The following HMBOX1 variants were observed in gnomAD, a reference collection of about 807,000 sequenced individuals.
HMBOX1 encodes homeobox-containing protein 1.
In HMBOX1, 14 loss-of-function variants were observed where a neutral mutation model predicts 54.5. That is an observed-to-expected ratio of 0.26 (90% confidence interval 0.17 to 0.40). The LOEUF (loss-of-function observed/expected upper bound fraction) is 0.40. HMBOX1 is among the 10% of genes least tolerant of loss of function. HMBOX1 has a pLI of 1.00. For synonymous variants in HMBOX1, 160 were observed against 181.0 expected (o/e 0.88, Z 0.93); for missense variants, 332 against 514.4 (o/e 0.65, Z 3.43).
At chr8:28,950,331 C>G (rs1356319875) in intron 1 of HMBOX1, among the ~76,000 whole-genome samples, 1 of 152,150 alleles carries the variant, frequency 6.6e-6, no homozygotes, top group Non-Finnish European at 1.5e-5. Context: ...ACATGTGATT[C>G]TGATGTACAG....
At chr8:28,913,468 C>A (rs891652504) in intron 1 of HMBOX1, among the ~76,000 whole-genome samples, 1 of 152,288 alleles carries the variant, frequency 6.6e-6, no homozygotes, top group Non-Finnish European at 1.5e-5. Flanking sequence ...ACTTCTCAAC[C>A]CGGCAATGTC....
chr8:28,892,542 T>C (rs1448130136), intron 1 of HMBOX1, among the ~76,000 whole-genome samples: 1 of 152,206 alleles, frequency 6.6e-6, no homozygotes, highest in Non-Finnish European at 1.5e-5. Context: ...CCCAAACTTA[T>C]CAATTCTTGA....
intron 1 of HMBOX1, among the ~76,000 whole-genome samples, chr8:28,931,814 T>TA (rs1269286601): frequency 6.6e-6 from 1 of 152,240 alleles, no homozygotes; most frequent in African/African-American, 2.4e-5. Flanking sequence ...GTGCTGGGAT[T>TA]ACAGGCGTGA....
intron 6 of HMBOX1, among the ~76,000 whole-genome samples, chr8:29,044,939 A>G (rs901582694): frequency 6.6e-6 from 1 of 152,322 alleles, no homozygotes; most frequent in Non-Finnish European, 1.5e-5. Flanking sequence ...AAAAAGTCCT[A>G]TTGTTACCAG....
intron 1 of HMBOX1, among the ~76,000 whole-genome samples, chr8:28,901,038 A>G (rs1813150858): frequency 1.3e-5 from 2 of 152,148 alleles, no homozygotes; most frequent in South Asian, 2.1e-4. Context: ...TAAACTGGGC[A>G]TAGATAAATA....
At chr8:29,030,942 G>A (rs976509137) in intron 6 of HMBOX1, among the ~76,000 whole-genome samples, 2 of 152,118 alleles carry the variant, frequency 1.3e-5, no homozygotes, top group Non-Finnish European at 2.9e-5. Context: ...ATCTGAAAAT[G>A]GAAAGAAATT....
chr8:29,036,372 GA>G (rs1357628223), intron 6 of HMBOX1, among the ~76,000 whole-genome samples: 1 of 152,148 alleles, frequency 6.6e-6, no homozygotes, highest in East Asian at 1.9e-4. Context: ...GCTAGTGCCT[GA>G]AGAGGCACTA....
intron 1 of HMBOX1, among the ~76,000 whole-genome samples, chr8:28,956,769 C>G (rs1171143948): frequency 1.3e-5 from 2 of 152,090 alleles, no homozygotes. Flanking sequence ...TGGTTTTCTT[C>G]TTTTGCACAA....
intron 8 of HMBOX1, 140 bp from the exon 9 acceptor site, chr8:29,048,814 A>G (rs1805996845): frequency 3.0e-6 from 2 of 660,136 alleles, no homozygotes; most frequent in Non-Finnish European, 2.6e-6. Context: ...CTTACAGTCT[A>G]AAAGAAACAA....
intron 1 of HMBOX1, among the ~76,000 whole-genome samples, chr8:28,947,328 A>G (rs1822646728): frequency 6.6e-6 from 1 of 152,202 alleles, no homozygotes; most frequent in Non-Finnish European, 1.5e-5. Context: ...TTCAGCTTTT[A>G]GTTGTGAACC....
chr8:29,024,607 A>G (rs1801731866), intron 6 of HMBOX1, among the ~76,000 whole-genome samples: 1 of 152,238 alleles, frequency 6.6e-6, no homozygotes, highest in African/African-American at 2.4e-5. Context: ...CTGCCTTCAT[A>G]AATCTTAAGG....
intron 3 of HMBOX1, among the ~76,000 whole-genome samples, chr8:28,973,803 G>GTT (rs71222583): frequency 1.5e-4 from 11 of 72,658 alleles, no homozygotes; most frequent in Admixed American, 3.5e-4. Flanking sequence ...ACATAATGGA[G>GTT]TTTTTTTTTT....
At chr8:28,953,005 G>A (rs575777460) in intron 1 of HMBOX1, among the ~76,000 whole-genome samples, 2 of 152,302 alleles carry the variant, frequency 1.3e-5, no homozygotes, top group African/African-American at 2.4e-5. Flanking sequence ...AGGGAAGTCC[G>A]TTAGCTGATT....
intron 1 of HMBOX1, among the ~76,000 whole-genome samples, chr8:28,920,697 T>A (rs1345576515): frequency 6.6e-6 from 1 of 152,186 alleles, no homozygotes. Context: ...GTTGCCATAA[T>A]AGAAACATGC....
chr8:28,941,466 T>G (rs1585962744), intron 1 of HMBOX1, among the ~76,000 whole-genome samples: 1 of 152,236 alleles, frequency 6.6e-6, no homozygotes, highest in African/African-American at 2.4e-5. Context: ...TTTTTCTAAT[T>G]TTTCTTCTTT....
At chr8:29,048,210 G>GA (rs1276281182) in intron 8 of HMBOX1, among the ~76,000 whole-genome samples, 3 of 152,150 alleles carry the variant, frequency 2.0e-5, no homozygotes, top group African/African-American at 7.2e-5. Flanking sequence ...AAAAGGCAGA[G>GA]ATAAAGAGCA....
At chr8:29,033,396 A>G (rs1803327143) in intron 6 of HMBOX1, among the ~76,000 whole-genome samples, 1 of 152,208 alleles carries the variant, frequency 6.6e-6, no homozygotes, top group Non-Finnish European at 1.5e-5. Context: ...TTAAATAGAC[A>G]GCAGGAGCCT....
Position 29,042,140 on chromosome 8 carries a change from A to G in HMBOX1, c.852-3221A>G, listed in dbSNP as rs578105290. Among the ~76,000 whole-genome samples the G allele has an allele frequency of 1.1e-4, 16 of 152,306 alleles. No individual in the cohort carries two copies. In the South Asian group the frequency reaches 3.3e-3, roughly 32 times the overall value. On this transcript the variant is annotated intron_variant, in intron 6 of 9. Transcript: ENST00000287701. ...TATAAAATGCATCCTGACTTCGGAG[A>G]TCACAATAATGAAGAAATATGTATT... is the stretch of plus-strand genomic sequence containing the variant.
chr8:28,901,447 CCT>C (rs1813215368), intron 1 of HMBOX1, among the ~76,000 whole-genome samples: 1 of 151,994 alleles, frequency 6.6e-6, no homozygotes. Flanking sequence ...TACTTTTCTC[CCT>C]CCTCCTCTCA....
Sources: allele counts gnomAD v4.1 joint callset (sites outside exome capture counted in the v4.1 genomes callset), GRCh38; gene constraint gnomAD v4.1.1; transcripts MANE v1.5; gene names NCBI Gene and HGNC (gene_info 2026-07-23, HGNC 2026-07-21).